The following ELN variants were observed in gnomAD, a reference collection of about 807,000 sequenced individuals.
ELN encodes the protein tropoelastin.
In ELN, 65 loss-of-function variants were observed where a neutral mutation model predicts 105.8. The observed-to-expected ratio is 0.61, with a 90% confidence interval of 0.50 to 0.75. The LOEUF (loss-of-function observed/expected upper bound fraction) is 0.75. Ranked by LOEUF, ELN falls within the 30% of genes least tolerant of loss-of-function variation. The pLI, the probability that ELN is intolerant of heterozygous loss-of-function variation, is 0.00. For synonymous variants in ELN, 368 were observed against 389.2 expected (o/e 0.95, Z 0.64); for missense variants, 882 against 969.4 (o/e 0.91, Z 1.20).
intron 12 of ELN, among the ~76,000 whole-genome samples, chr7:74,047,367 C>T (rs955938149): frequency 2.1e-4 from 32 of 152,236 alleles, no homozygotes; most frequent in African/African-American, 7.5e-4. Flanking sequence ...TGCTCCCGCC[C>T]CTACCTCTGC....
intron 8 of ELN, 79 bp from the exon 9 acceptor site, chr7:74,043,800 C>A (rs1791822667): frequency 6.4e-7 from 1 of 1,566,368 alleles, no homozygotes; most frequent in Non-Finnish European, 8.7e-7. Flanking sequence ...GGCCTTGGAG[C>A]TGCCTGGGTG....
At chr7:74,045,356 G>A in intron 10 of ELN, 63 bp downstream of exon 10, 3 of 1,586,688 alleles carry the variant, frequency 1.9e-6, no homozygotes, top group Non-Finnish European at 2.6e-6. Flanking sequence ...CTGGCCCCGG[G>A]TGTGAAATGG....
In ELN at chr7:74,031,146, G is replaced by A. The variant is rs185952039; in HGVS notation, c.82+2877G>A. ...GGCTGCTTCCAGCTCTTTGAACCTG[G>A]AGCCCAGGGCCCAGGCAAATGGCCC... is the stretch of plus-strand genomic sequence containing the variant. On this transcript the variant is annotated intron_variant, in intron 1 of 32. Transcript: ENST00000252034. 4.6e-5 allele frequency among the ~76,000 whole-genome samples: 7 copies of A among 152,318 alleles called. No individual in the cohort carries two copies. In the East Asian group the frequency reaches 1.2e-3, roughly 25 times the overall value.
intron 4 of ELN, among the ~76,000 whole-genome samples, chr7:74,039,465 G>C (rs2131326127): frequency 6.6e-6 from 1 of 152,362 alleles, no homozygotes; most frequent in Non-Finnish European, 1.5e-5. Context: ...GCCTGCCCAG[G>C]CAGGATGGAA....
In ELN at chr7:74,069,749, G is replaced by A. The variant is rs1335825960; in HGVS notation, c.*1049G>A. 4.4e-6 allele frequency: 1 copy of A among 227,492 alleles called. No homozygotes were observed. Among genetic ancestry groups the A allele is most frequent in the Non-Finnish European group, 8.7e-6 (1 of 114,622 alleles). 14.1% of individuals were successfully genotyped at this position (227,492 alleles called of 1,614,324 possible). On this transcript the variant is annotated 3_prime_UTR_variant, in exon 33 of 33. Coordinates refer to ENST00000252034, the MANE Select transcript of ELN (RefSeq NM_000501.4). Reference sequence around the variant, plus strand: ...TTGTTGTGGTTCATTGAAAAAAAAAGATAATTTTTTTTTCTGATCCGGGGA... The same window carrying A: ...TTGTTGTGGTTCATTGAAAAAAAAAAATAATTTTTTTTTCTGATCCGGGGA...
intron 25 of ELN, 189 bp downstream of exon 25, chr7:74,060,690 C>A: frequency 4.7e-6 from 7 of 1,474,238 alleles, no homozygotes; most frequent in Non-Finnish European, 6.4e-6. Flanking sequence ...GGACCCCAGG[C>A]TGCCCAATTG....
At chr7:74,038,388 G>A (rs1790450512) in intron 4 of ELN, among the ~76,000 whole-genome samples, 2 of 152,176 alleles carry the variant, frequency 1.3e-5, no homozygotes, top group Admixed American at 1.3e-4. Flanking sequence ...GCTGAGCACC[G>A]ACCATGGCCC....
rs148730130 is a variant in ELN, at chr7:74,035,524, G to T, written c.133+110G>T. Reference sequence around the variant, plus strand: ...GGTAGGAACATTGACACGCCTACCAGAAGTCACACCCACTTAAAAATGCAA... The same window carrying T: ...GGTAGGAACATTGACACGCCTACCATAAGTCACACCCACTTAAAAATGCAA... On this transcript the variant is annotated intron_variant, in intron 2 of 32. Coordinates refer to ENST00000252034, the MANE Select transcript of ELN (RefSeq NM_000501.4). The T allele has an allele frequency of 9.2e-6, 12 of 1,298,202 alleles. No individual in the cohort carries two copies. In the African/African-American group the frequency reaches 1.6e-4, roughly 17 times the overall value. The allele number at this position is 1,298,202 out of a possible 1,614,324, so 80.4% of individuals were successfully genotyped here. A position where few individuals can be genotyped will look rare whatever the true frequency, so the allele number is the denominator to read the frequency against.
intron 5 of ELN, 100 bp downstream of exon 5, chr7:74,041,351 C>CACTGACCTGGACTGCACTGACGGTG: frequency 3.3e-6 from 5 of 1,493,264 alleles, no homozygotes; most frequent in Non-Finnish European, 4.6e-6. Flanking sequence ...AGGGTGCAGG[C>CACTGACCTGGACTGCACTGACGGTG]CAGGTTCCGT....
chr7:74,057,910 G>A (rs542702429), intron 22 of ELN, among the ~76,000 whole-genome samples: 2 of 152,288 alleles, frequency 1.3e-5, no homozygotes, highest in African/African-American at 4.8e-5. Flanking sequence ...TGAGCAGTGT[G>A]AGCCTCCCTG....
At chr7:74,049,976 T>C (rs1246490384) in intron 15 of ELN, among the ~76,000 whole-genome samples, 1 of 150,614 alleles carries the variant, frequency 6.6e-6, no homozygotes, top group Non-Finnish European at 1.5e-5. Context: ...CATCCATCCA[T>C]CTGCCCATTC....
At chr7:74,040,214 AG>A (rs1790873255) in intron 4 of ELN, among the ~76,000 whole-genome samples, 1 of 152,218 alleles carries the variant, frequency 6.6e-6, no homozygotes, top group East Asian at 1.9e-4. Flanking sequence ...CTCTGTGGAC[AG>A]GAAAGGTCTG....
chr7:74,042,541 C>A, intron 5 of ELN, 73 bp from the exon 6 acceptor site: 1 of 1,410,070 alleles, frequency 7.1e-7, no homozygotes, highest in South Asian at 1.2e-5. Flanking sequence ...GGGGCACAGC[C>A]AGGCAGGGCC....
In ELN at chr7:74,048,475, G is replaced by A. The variant is rs41388548; in HGVS notation, c.746-28G>A. The A allele has an allele frequency of 5.8e-4, 940 of 1,614,026 alleles. 12 individuals are homozygous for A. The East Asian group carries it at 0.011, about 18-fold the overall frequency. On this transcript the variant is annotated intron_variant, in intron 14 of 32. Coordinates refer to ENST00000252034, the MANE Select transcript of ELN (RefSeq NM_000501.4). ...GGAGATACAGGAGCACTGTTTCAAG[G>A]TCTCTCCCCTCTGCTTCCTTCCCCC...
chr7:74,037,351 G>A (rs1023986165), intron 3 of ELN, among the ~76,000 whole-genome samples: 2 of 151,442 alleles, frequency 1.3e-5, no homozygotes, highest in African/African-American at 2.4e-5. Context: ...ATGCCACCAC[G>A]CCTGGCTAAT....
At chr7:74,030,906 C>T (rs1305066244) in intron 1 of ELN, among the ~76,000 whole-genome samples, 3 of 152,230 alleles carry the variant, frequency 2.0e-5, no homozygotes, top group African/African-American at 7.2e-5. Context: ...GTGTGTCTGC[C>T]GAGGCCCCGG....
At position 74,029,904 on chromosome 7, in the gene ELN, TC is replaced by T. The variant is rs1788289591; in HGVS notation, c.82+1636del. ...CTAAGGCAGTCCCCGGGGGTTAGTA[TC>T]AGCCAGCTCTCTGCCCCAGGTCAAG... On this transcript the variant is annotated intron_variant, in intron 1 of 32. Coordinates refer to ENST00000252034, the MANE Select transcript of ELN (RefSeq NM_000501.4). Among the ~76,000 whole-genome samples the T allele has an allele frequency of 2.0e-5, 3 of 152,180 alleles. No homozygotes were observed. In the South Asian group the frequency reaches 6.2e-4, roughly 31 times the overall value.
chr7:74,048,048 G>A, intron 13 of ELN, 94 bp from the exon 14 acceptor site: 1 of 1,503,276 alleles, frequency 6.7e-7, no homozygotes, highest in East Asian at 2.3e-5. Flanking sequence ...TGCAGACTCA[G>A]GACAGCTTGG....
In ELN at chr7:74,037,933, G is replaced by A. The variant is rs2301994; in HGVS notation, c.196+194G>A. 61,535 of 731,356 alleles carry A rather than the reference G, an allele frequency of 0.084. 3,659 individuals are homozygous for A. Among genetic ancestry groups the A allele is most frequent in the African/African-American group, 0.21 (11,754 of 56,322 alleles). 45.3% of individuals were successfully genotyped at this position (731,356 alleles called of 1,614,324 possible). On this transcript the variant is annotated intron_variant, in intron 4 of 32. Coordinates refer to ENST00000252034, the MANE Select transcript of ELN (RefSeq NM_000501.4). ...CGGGGCCAGGTCCCAGGGCTTCCAG[G>A]AACAAGAGGCTGGAAGCAGCTCCAT...
Sources: gnomAD v4.1 joint callset for allele counts (sites outside exome capture counted in the v4.1 genomes callset) on GRCh38, gnomAD v4.1.1 for gene constraint, MANE v1.5 for transcripts, NCBI Gene and HGNC (gene_info 2026-07-23, HGNC 2026-07-21) for gene names.